IL12RB2: variants seen among roughly 807,000 people sequenced by gnomAD.
IL12RB2 encodes interleukin 12 receptor subunit beta 2.
IL12RB2 carries 82 observed loss-of-function variants against 89.4 expected under a neutral mutation model. That is an observed-to-expected ratio of 0.92 (90% CI 0.77 to 1.10). The LOEUF is 1.10. IL12RB2 is among the 50% of genes least tolerant of loss of function. The probability of loss-of-function intolerance (pLI) is 0.00; values close to 1 mark genes in which losing one functional copy is unlikely to be tolerated. For missense variants in IL12RB2, 963 were observed against 1,031.9 expected (o/e 0.93, Z 0.92); for synonymous variants, 368 against 370.1 (o/e 0.99, Z 0.07).
At chr1:67,382,455 TC>T (rs1456484788) in intron 14 of IL12RB2, among the ~76,000 whole-genome samples, 1 of 128,970 alleles carries the variant, frequency 7.8e-6, no homozygotes, top group Non-Finnish European at 1.6e-5. Flanking sequence ...CATCAGTGGT[TC>T]CCCAGGGGCC....
intron 1 of IL12RB2, among the ~76,000 whole-genome samples, chr1:67,312,042 C>T (rs958425414): frequency 6.6e-6 from 1 of 152,100 alleles, no homozygotes; most frequent in African/African-American, 2.4e-5. Flanking sequence ...CTTTCCAATA[C>T]ACTAAGGAAG....
At chr1:67,388,300 T>C (rs915976662) in intron 15 of IL12RB2, among the ~76,000 whole-genome samples, 5 of 152,138 alleles carry the variant, frequency 3.3e-5, no homozygotes, top group Non-Finnish European at 2.9e-5. Context: ...AAAATGAATA[T>C]TGGGTGGCAA....
At chr1:67,335,326 C>T (rs905702565) in intron 8 of IL12RB2, among the ~76,000 whole-genome samples, 1 of 151,974 alleles carries the variant, frequency 6.6e-6, no homozygotes, top group Non-Finnish European at 1.5e-5. Flanking sequence ...AGAGTTGGAC[C>T]GTGATGGAAG....
intron 3 of IL12RB2, 112 bp from the exon 4 acceptor site, chr1:67,321,490 T>C (rs1260175021): frequency 3.9e-6 from 3 of 760,818 alleles, no homozygotes; most frequent in African/African-American, 3.4e-5. Context: ...TAATTATATT[T>C]GCATGATCTG....
intron 14 of IL12RB2, among the ~76,000 whole-genome samples, chr1:67,383,459 T>C (rs964126053): frequency 3.3e-5 from 5 of 152,152 alleles, no homozygotes; most frequent in Non-Finnish European, 7.4e-5. Context: ...CCCTGAAGTC[T>C]TAGGCCATTC....
intron 16 of IL12RB2, among the ~76,000 whole-genome samples, chr1:67,391,328 C>T (rs1045566768): frequency 6.7e-6 from 1 of 149,680 alleles, no homozygotes; most frequent in Non-Finnish European, 1.5e-5. Context: ...TATTAAGTTA[C>T]AACAGCAAAA....
chr1:67,329,304 G>A (rs1192760335), intron 6 of IL12RB2, among the ~76,000 whole-genome samples: 1 of 152,122 alleles, frequency 6.6e-6, no homozygotes, highest in Non-Finnish European at 1.5e-5. Context: ...AAAAACCACT[G>A]GACTAAGTGT....
At chr1:67,333,347 TACTCATATGTA>T (rs1203420959) in intron 8 of IL12RB2, among the ~76,000 whole-genome samples, 2 of 151,968 alleles carry the variant, frequency 1.3e-5, no homozygotes, top group East Asian at 1.9e-4. Context: ...TTTCAATGTG[TACTCATATGTA>T]ACTTGGCATT....
intron 1 of IL12RB2, among the ~76,000 whole-genome samples, chr1:67,312,901 A>G (rs989492412): frequency 2.0e-5 from 3 of 152,226 alleles, no homozygotes; most frequent in African/African-American, 7.2e-5. Flanking sequence ...TGTGTGTGTT[A>G]AATTTGGCTC....
intron 2 of IL12RB2, among the ~76,000 whole-genome samples, chr1:67,319,946 G>A (rs577203497): frequency 9.9e-5 from 15 of 152,238 alleles, no homozygotes; most frequent in Non-Finnish European, 1.8e-4. Context: ...TCTATGAACC[G>A]TCTATGAAGT....
chr1:67,337,154 C>G (rs1243557961), intron 8 of IL12RB2, among the ~76,000 whole-genome samples: 1 of 152,148 alleles, frequency 6.6e-6, no homozygotes, highest in Admixed American at 6.5e-5. Flanking sequence ...TGGGTACTTA[C>G]GCTCCCTTTC....
At chr1:67,319,520 C>T (rs1055588106) in intron 2 of IL12RB2, among the ~76,000 whole-genome samples, 1 of 152,152 alleles carries the variant, frequency 6.6e-6, no homozygotes. Flanking sequence ...GGGTTATGAG[C>T]CATTTTTCGA....
At chr1:67,341,510 G>GAGAAA (rs35384232) in intron 9 of IL12RB2, among the ~76,000 whole-genome samples, 1 of 33,522 alleles carries the variant, frequency 3.0e-5, no homozygotes, top group Non-Finnish European at 7.9e-5. Context: ...AAAGAAGAAA[G>GAGAAA]AAGGAAAGAA....
At position 67,380,208 on chromosome 1, in the gene IL12RB2, C is replaced by A. The variant is rs984470807; in HGVS notation, c.1855+85C>A. Reference sequence around the variant, plus strand: ...CTATTACATTTGGTATAGAGATAATCAGATTTTCTTTAATTCACTAAAAAC... The same window carrying A: ...CTATTACATTTGGTATAGAGATAATAAGATTTTCTTTAATTCACTAAAAAC... On this transcript the variant is annotated intron_variant, in intron 14 of 16. Coordinates refer to ENST00000674203, the MANE Select transcript of IL12RB2 (RefSeq NM_001374259.2). 30 of 1,435,670 alleles carry A rather than the reference C, an allele frequency of 2.1e-5. No homozygotes were observed. The African/African-American group carries it at 3.5e-4, about 17-fold the overall frequency. The allele number at this position is 1,435,670 out of a possible 1,614,324, so 88.9% of individuals were successfully genotyped here.
chr1:67,362,911 T>TG (rs993296153), intron 10 of IL12RB2, among the ~76,000 whole-genome samples: 3 of 150,204 alleles, frequency 2.0e-5, no homozygotes, highest in Non-Finnish European at 4.4e-5. Flanking sequence ...AATTACTCGT[T>TG]TTTTTTTTTT....
intron 2 of IL12RB2, 138 bp from the exon 3 acceptor site, chr1:67,320,195 T>A: frequency 7.4e-7 from 1 of 1,347,062 alleles, no homozygotes; most frequent in East Asian, 2.6e-5. Context: ...GTTTTAAAGG[T>A]ACATGTCATT....
chr1:67,346,806 C>T (rs1316605413), intron 9 of IL12RB2, among the ~76,000 whole-genome samples: 1 of 152,166 alleles, frequency 6.6e-6, no homozygotes, highest in African/African-American at 2.4e-5. Context: ...AACTGAATGG[C>T]ATTGGTGAGA....
At chr1:67,313,250 GTT>G (rs996992450) in intron 1 of IL12RB2, among the ~76,000 whole-genome samples, 1 of 147,510 alleles carries the variant, frequency 6.8e-6, no homozygotes, top group Non-Finnish European at 1.5e-5. Context: ...TGTGCGCTGA[GTT>G]TTGTTGTTTC....
chr1:67,393,917 A>G (rs1666091092), intron 16 of IL12RB2, among the ~76,000 whole-genome samples: 1 of 152,182 alleles, frequency 6.6e-6, no homozygotes, highest in Non-Finnish European at 1.5e-5. Context: ...CTGTGCACAC[A>G]TGGCTTACAG....
Sources: allele counts gnomAD v4.1 joint callset (sites outside exome capture counted in the v4.1 genomes callset), GRCh38; gene constraint gnomAD v4.1.1; transcripts MANE v1.5; gene names NCBI Gene and HGNC (gene_info 2026-07-23, HGNC 2026-07-21).